Variants in LRPAP1 observed in about 807,000 individuals in gnomAD.
LRPAP1 encodes LDL receptor related protein associated protein 1.
A neutral mutation model predicts 39.9 loss-of-function variants in LRPAP1; 41 were observed. The ratio of observed to expected loss-of-function variants is 1.03; its 90% CI spans 0.80 to 1.33. LRPAP1 has a LOEUF of 1.33. Ranked by LOEUF, LRPAP1 falls within the 40% of genes most tolerant of loss-of-function variation. LRPAP1 has a pLI of 0.00. For synonymous variants in LRPAP1, 263 were observed against 212.7 expected (o/e 1.24, Z -2.06); for missense variants, 565 against 482.3 (o/e 1.17, Z -1.61).
chr4:3,531,865 G>C (rs1260290597), intron 1 of LRPAP1: 5 of 364,430 alleles, frequency 1.4e-5, no homozygotes, highest in South Asian at 4.5e-5. Context: ...TGAGGGAACA[G>C]GCAAAGGCTC....
intron 1 of LRPAP1, among the ~76,000 whole-genome samples, chr4:3,530,004 C>T (rs1730200571): frequency 6.6e-6 from 1 of 152,226 alleles, no homozygotes; most frequent in Non-Finnish European, 1.5e-5. Flanking sequence ...GCAGCCCTCA[C>T]CTCAATTATC....
intron 3 of LRPAP1, 133 bp from the exon 4 acceptor site, chr4:3,519,124 G>A (rs375695459): frequency 5.6e-6 from 8 of 1,425,268 alleles, no homozygotes; most frequent in African/African-American, 1.4e-5. Context: ...TTGGCCTCAC[G>A]AAGGGCAGGA....
rs540884424 is a variant in LRPAP1, at chr4:3,514,041, C to T, written c.1011+711G>A. 5.3e-5 allele frequency among the ~76,000 whole-genome samples: 8 copies of T among 152,360 alleles called. No homozygotes were observed. The South Asian group carries it at 8.3e-4, about 16-fold the overall frequency. On this transcript the variant is annotated intron_variant, in intron 7 of 7. Transcript: ENST00000650182. The stretch of plus-strand genomic sequence containing the variant: ...GCTAGCATTCCATCCCCGCGTCTCG[C>T]GGGAGCGCCCTGCAAACCCCACATG...
intron 2 of LRPAP1, among the ~76,000 whole-genome samples, chr4:3,521,966 T>A (rs1214809553): frequency 6.6e-6 from 1 of 152,214 alleles, no homozygotes; most frequent in Non-Finnish European, 1.5e-5. Context: ...TGAGACCCCA[T>A]CTTTTAAAAT....
At chr4:3,513,081 G>A in intron 7 of LRPAP1, 45 bp from the exon 8 acceptor site, 4 of 1,488,604 alleles carry the variant, frequency 2.7e-6, no homozygotes, top group African/African-American at 1.4e-5. Context: ...CGCGCCTCGA[G>A]GCCAGCTCTG....
intron 5 of LRPAP1, among the ~76,000 whole-genome samples, chr4:3,516,789 C>A (rs1212545337): frequency 6.6e-6 from 1 of 152,332 alleles, no homozygotes; most frequent in Admixed American, 6.5e-5. Flanking sequence ...AGTGAGTAGT[C>A]CAGAGCCGCC....
Position 3,505,477 on chromosome 4 carries a change from C to T in LRPAP1, c.*7497G>A, listed in dbSNP as rs546483799. On this transcript the variant is annotated 3_prime_UTR_variant, in exon 8 of 8. Coordinates refer to ENST00000650182, the MANE Select transcript of LRPAP1 (RefSeq NM_002337.4). ...GACTCCGAGCGGCACTTCTTCCACA[C>T]CGCGCAGCTGCCTGTGCCTGGCAGG... 8.8e-4 allele frequency among the ~76,000 whole-genome samples: 134 copies of T among 152,340 alleles called. No individual in the cohort carries two copies. The highest frequency in any genetic ancestry group is 3.1e-3 in the African/African-American group (129 of 41,586).
rs1003962551 is a variant in LRPAP1 at position 3,503,640 on chromosome 4, G to C, written c.*9334C>G. The C allele has an allele frequency of 3.9e-5, 6 of 152,224 alleles. No homozygotes were observed. Among genetic ancestry groups the C allele is most frequent in the African/African-American group, 1.4e-4 (6 of 41,446 alleles). The allele number at this position is 152,224 out of a possible 1,614,324, so 9.4% of individuals were successfully genotyped here. ...TTGAAATGAGAAAATATTTTGAACT[G>C]AATGGCAGTGAAAACACTACACATC... On this transcript the variant is annotated 3_prime_UTR_variant, in exon 8 of 8. Coordinates refer to ENST00000650182, the MANE Select transcript of LRPAP1 (RefSeq NM_002337.4).
At position 3,503,782 on chromosome 4, in the gene LRPAP1, A is replaced by G. The variant is rs181642062; in HGVS notation, c.*9192T>C. 11 of 152,390 alleles carry G rather than the reference A, an allele frequency of 7.2e-5. No individual in the cohort carries two copies. Among genetic ancestry groups the G allele is most frequent in the Admixed American group, 5.2e-4 (8 of 15,306 alleles). 9.4% of individuals were successfully genotyped at this position (152,390 alleles called of 1,614,324 possible). ...TTTCCAACTCCAGCAATGACAGGCTAGGGTACCTAGATGAACCATCACACT... is the reference window on the plus strand; with the variant it reads ...TTTCCAACTCCAGCAATGACAGGCTGGGGTACCTAGATGAACCATCACACT... On this transcript the variant is annotated 3_prime_UTR_variant, in exon 8 of 8. Transcript: ENST00000650182.
At chr4:3,529,355 C>T (rs1223013570) in intron 1 of LRPAP1, among the ~76,000 whole-genome samples, 1 of 152,014 alleles carries the variant, frequency 6.6e-6, no homozygotes, top group East Asian at 1.9e-4. Flanking sequence ...ACCAAAAAAA[C>T]TAAGGACCTA....
At chr4:3,528,037 G>T (rs535424530) in intron 1 of LRPAP1, among the ~76,000 whole-genome samples, 1 of 152,178 alleles carries the variant, frequency 6.6e-6, no homozygotes, top group Non-Finnish European at 1.5e-5. Context: ...AGTGCTCAGC[G>T]CAGAAGGGGC....
Position 3,509,170 on chromosome 4 carries a change from A to G in LRPAP1, c.*3804T>C, listed in dbSNP as rs1464500396. On this transcript the variant is annotated 3_prime_UTR_variant, in exon 8 of 8. Coordinates refer to ENST00000650182, the MANE Select transcript of LRPAP1 (RefSeq NM_002337.4). ...CCAGTTCATTGTTGGGAGAAGTTGA[A>G]GATGAACTCAATACCTGGAGTCATA... is the stretch of plus-strand genomic sequence containing the variant. The G allele has an allele frequency of 1.3e-5, 2 of 152,342 alleles. No individual in the cohort carries two copies. The highest frequency in any genetic ancestry group is 2.9e-5 in the Non-Finnish European group (2 of 68,076). 9.4% of individuals were successfully genotyped at this position (152,342 alleles called of 1,614,324 possible). A position where few individuals can be genotyped will look rare whatever the true frequency, so the allele number is the denominator to read the frequency against.
intron 1 of LRPAP1, among the ~76,000 whole-genome samples, chr4:3,528,593 G>A (rs919986773): frequency 6.6e-6 from 1 of 152,224 alleles, no homozygotes; most frequent in Non-Finnish European, 1.5e-5. Context: ...TCTTCAGAGG[G>A]CATGTGCCAT....
chr4:3,517,791 C>T (rs140975417), intron 5 of LRPAP1: 14 of 449,900 alleles, frequency 3.1e-5, no homozygotes, highest in South Asian at 8.1e-5. Context: ...CTCCCAGGCC[C>T]GCTGCCGCCA....
At position 3,503,763 on chromosome 4, in the gene LRPAP1, A is replaced by T. The variant is rs143461417; in HGVS notation, c.*9211T>A. 62 of 152,356 alleles carry T rather than the reference A, an allele frequency of 4.1e-4. No individual in the cohort carries two copies. Among genetic ancestry groups the T allele is most frequent in the Middle Eastern group, 3.4e-3 (1 of 294 alleles). 9.4% of individuals were successfully genotyped at this position (152,356 alleles called of 1,614,324 possible). ...CAACAGCAGACAACAGAGATTTCCA[A>T]CTCCAGCAATGACAGGCTAGGGTAC... On this transcript the variant is annotated 3_prime_UTR_variant, in exon 8 of 8. Coordinates refer to ENST00000650182, the MANE Select transcript of LRPAP1 (RefSeq NM_002337.4).
rs530689218 is a variant in LRPAP1, at chr4:3,521,287, C to T, written c.350-1094G>A. On this transcript the variant is annotated intron_variant, in intron 2 of 7. Transcript: ENST00000650182. The stretch of plus-strand genomic sequence containing the variant: ...CCCCGAGTAGGCCTCTCCCAAGATG[C>T]TGGGCTCGGAGCCTCCCTTCGCCTC... 2.0e-5 allele frequency among the ~76,000 whole-genome samples: 3 copies of T among 152,334 alleles called. No individual in the cohort carries two copies. In the South Asian group the frequency reaches 6.2e-4, roughly 32 times the overall value.
rs1729287571 is a variant in LRPAP1, at chr4:3,504,291, A to G, written c.*8683T>C. 6.6e-6 allele frequency: 1 copy of G among 152,254 alleles called. No homozygotes were observed. The highest frequency in any genetic ancestry group is 2.4e-5 in the African/African-American group (1 of 41,466). The allele number at this position is 152,254 out of a possible 1,614,324, so 9.4% of individuals were successfully genotyped here. On this transcript the variant is annotated 3_prime_UTR_variant, in exon 8 of 8. Coordinates refer to ENST00000650182, the MANE Select transcript of LRPAP1 (RefSeq NM_002337.4). ...GGATGATCCATATAACAGCTCTCAA[A>G]TAGGCCCCCAAATAATTCTTCACAA...
chr4:3,522,074 T>C (rs369600872), intron 2 of LRPAP1, among the ~76,000 whole-genome samples: 3 of 152,250 alleles, frequency 2.0e-5, no homozygotes, highest in East Asian at 1.9e-4. Context: ...AAAAGTGGCC[T>C]GGATGCCTCC....
intron 3 of LRPAP1, among the ~76,000 whole-genome samples, chr4:3,519,755 G>C (rs764303868): frequency 6.6e-6 from 1 of 152,196 alleles, no homozygotes; most frequent in Non-Finnish European, 1.5e-5. Context: ...TTAAAAATCC[G>C]ACACGGAGTA....
Sources: gnomAD v4.1 joint callset for allele counts (sites outside exome capture counted in the v4.1 genomes callset) on GRCh38, gnomAD v4.1.1 for gene constraint, MANE v1.5 for transcripts, NCBI Gene and HGNC (gene_info 2026-07-23, HGNC 2026-07-21) for gene names.